The following KALRN variants were observed in gnomAD, a reference collection of about 807,000 sequenced individuals.
KALRN encodes the protein kalirin.
Under a neutral mutation model 353.7 loss-of-function variants are expected in KALRN, and 70 were observed. The observed-to-expected ratio is 0.20, with a 90% CI of 0.16 to 0.24. KALRN has a LOEUF of 0.24. KALRN is among the 10% of genes least tolerant of loss of function. The pLI is 1.00. For missense variants in KALRN, 2,791 were observed against 3,756.7 expected (o/e 0.74, Z 6.72); for synonymous variants, 1,391 against 1,434.8 (o/e 0.97, Z 0.69).
chr3:124,142,451 T>C (rs1232747796), intron 1 of KALRN, among the ~76,000 whole-genome samples: 2 of 152,242 alleles, frequency 1.3e-5, no homozygotes, highest in Non-Finnish European at 2.9e-5. Context: ...ACTATGTGTG[T>C]GAGTCCTACT....
intron 1 of KALRN, among the ~76,000 whole-genome samples, chr3:124,180,674 C>T (rs2073444558): frequency 6.6e-6 from 1 of 152,154 alleles, no homozygotes; most frequent in Admixed American, 6.5e-5. Context: ...TGAGAAATCT[C>T]TAGCTCAGTG....
chr3:124,262,107 G>A (rs565918320), intron 3 of KALRN, among the ~76,000 whole-genome samples: 3 of 152,298 alleles, frequency 2.0e-5, no homozygotes, highest in Non-Finnish European at 4.4e-5. Flanking sequence ...GGGTGGTACT[G>A]TCATACACTG....
chr3:124,692,031 G>T (rs1208754694), intron 51 of KALRN, among the ~76,000 whole-genome samples: 1 of 152,174 alleles, frequency 6.6e-6, no homozygotes, highest in Admixed American at 6.5e-5. Flanking sequence ...GGAATAGAGG[G>T]GGACTTTCAT....
At chr3:124,189,646 T>C (rs1560186573) in intron 1 of KALRN, among the ~76,000 whole-genome samples, 1 of 150,300 alleles carries the variant, frequency 6.7e-6, no homozygotes, top group African/African-American at 2.5e-5. Context: ...CTACTAATAA[T>C]ACAAAATATT....
chr3:124,078,639 G>A (rs922443450), intron 1 of KALRN, among the ~76,000 whole-genome samples: 4 of 152,150 alleles, frequency 2.6e-5, no homozygotes, highest in Non-Finnish European at 5.9e-5. Context: ...AACATCTCGA[G>A]GGCTTGCTGG....
chr3:124,099,826 T>TA (rs927837070), intron 1 of KALRN, among the ~76,000 whole-genome samples: 2 of 152,262 alleles, frequency 1.3e-5, no homozygotes, highest in South Asian at 2.1e-4. Flanking sequence ...TTTTGAGCAT[T>TA]AAAAAAATAT....
intron 1 of KALRN, among the ~76,000 whole-genome samples, chr3:124,075,868 G>A (rs1400703755): frequency 2.0e-5 from 3 of 152,166 alleles, no homozygotes; most frequent in South Asian, 2.1e-4. Flanking sequence ...ATGCAGATGC[G>A]GAGCTGAGCA....
chr3:124,463,093 C>T (rs1034256747), intron 25 of KALRN, among the ~76,000 whole-genome samples: 6 of 152,112 alleles, frequency 3.9e-5, no homozygotes, highest in East Asian at 1.9e-4. Context: ...GGATATCAAC[C>T]GATACTCTGT....
chr3:124,586,287 T>G (rs2075173709), intron 34 of KALRN, among the ~76,000 whole-genome samples: 1 of 152,176 alleles, frequency 6.6e-6, no homozygotes, highest in African/African-American at 2.4e-5. Flanking sequence ...GTGGGTGGGT[T>G]CGCTCGAAGG....
chr3:124,141,197 C>T (rs2066577616), intron 1 of KALRN, among the ~76,000 whole-genome samples: 1 of 152,214 alleles, frequency 6.6e-6, no homozygotes, highest in Admixed American at 6.5e-5. Flanking sequence ...AGCTCCTTCC[C>T]TGGCTTTCTG....
chr3:124,055,717 C>A (rs895819987), intron 1 of KALRN, among the ~76,000 whole-genome samples: 9 of 152,166 alleles, frequency 5.9e-5, no homozygotes, highest in African/African-American at 2.2e-4. Flanking sequence ...TTCCTGGAGG[C>A]CCTAGAGCCA....
chr3:124,542,612 A>G, intron 33 of KALRN, among the ~76,000 whole-genome samples: 1 of 152,254 alleles, frequency 6.6e-6, no homozygotes, highest in East Asian at 1.9e-4. Flanking sequence ...TACCCTTTAC[A>G]CATAGCTGAC....
At chr3:124,533,864 G>C (rs1179184415) in intron 33 of KALRN, among the ~76,000 whole-genome samples, 1 of 152,154 alleles carries the variant, frequency 6.6e-6, no homozygotes, top group Non-Finnish European at 1.5e-5. Flanking sequence ...CAGTGTGAAA[G>C]GGAGGGAAAG....
In KALRN at chr3:124,632,443, G is replaced by A. The variant is rs200603405; in HGVS notation, c.5206G>A (p.Glu1736Lys). The change falls in exon 35 of 60, where the codon GAG becomes AAG. Residue 1736 changes from glutamate (E) to lysine (K), a missense_variant. Coordinates refer to ENST00000682506, the MANE Select transcript of KALRN (RefSeq NM_001388419.1). ...VKDAYSHSSS[E>K]NGGKSESVAN... is the part of the protein sequence containing the mutation. ...AGATGCATACTCTCATTCCTCAAGC[G>A]AGAATGGAGGCAAGTCCGAGTCCGT... The A allele has an allele frequency of 2.9e-5, 46 of 1,613,756 alleles. No individual in the cohort carries two copies. The highest frequency in any genetic ancestry group is 4.5e-5 in the East Asian group (2 of 44,882).
At chr3:124,231,590 C>T (rs1196922708) in intron 2 of KALRN, among the ~76,000 whole-genome samples, 5 of 152,160 alleles carry the variant, frequency 3.3e-5, no homozygotes, top group Non-Finnish European at 5.9e-5. Context: ...AAACGGGGTT[C>T]TACTCTCAAA....
In KALRN at chr3:124,513,274, G is replaced by C. The variant is rs145833794; in HGVS notation, c.4935+16861G>C. On this transcript the variant is annotated intron_variant, in intron 33 of 59. Transcript: ENST00000682506. ...AGACCTGTGGAAAAGGTGAGGAAAA[G>C]CTTGAAATATAGCTTCAAATTCATG... 3.0e-3 allele frequency among the ~76,000 whole-genome samples: 460 copies of C among 152,286 alleles called. 2 individuals are homozygous for C. Among genetic ancestry groups the C allele is most frequent in the African/African-American group, 0.011 (440 of 41,550 alleles).
intron 15 of KALRN, 40 bp from the exon 16 acceptor site, chr3:124,430,616 C>T (rs766797983): frequency 1.8e-5 from 29 of 1,608,690 alleles, no homozygotes; most frequent in East Asian, 2.2e-5. Context: ...GGGGAAACTG[C>T]GGAAGGCCAT....
At chr3:124,124,982 G>A (rs1474955546) in intron 1 of KALRN, among the ~76,000 whole-genome samples, 2 of 152,150 alleles carry the variant, frequency 1.3e-5, no homozygotes, top group African/African-American at 4.8e-5. Flanking sequence ...ATGGTAATGC[G>A]TGGGAGAGGG....
At chr3:124,598,186 G>A (rs1404872734) in intron 34 of KALRN, among the ~76,000 whole-genome samples, 1 of 152,208 alleles carries the variant, frequency 6.6e-6, no homozygotes, top group Non-Finnish European at 1.5e-5. Context: ...GAAATCAGCT[G>A]CTCCTCTGGA....
Sources: gnomAD v4.1 joint callset for allele counts (sites outside exome capture counted in the v4.1 genomes callset) on GRCh38, gnomAD v4.1.1 for gene constraint, MANE v1.5 for transcripts, NCBI Gene and HGNC (gene_info 2026-07-23, HGNC 2026-07-21) for gene names.